DGCR2: variants seen among roughly 807,000 people sequenced by gnomAD.
DGCR2 encodes DiGeorge syndrome critical region gene 2.
DGCR2 carries 24 observed loss-of-function variants against 51.6 expected under a neutral mutation model. That is an observed-to-expected ratio of 0.47 (90% CI 0.34 to 0.65). DGCR2 has a LOEUF of 0.65. Ranked by LOEUF, DGCR2 falls within the 30% of genes least tolerant of loss-of-function variation. The pLI is 0.01. For synonymous variants in DGCR2, 340 were observed against 315.4 expected (o/e 1.08, Z -0.82); for missense variants, 765 against 772.1 (o/e 0.99, Z 0.11).
In DGCR2 at chr22:19,073,070, A is replaced by G. The variant is rs1354720760; in HGVS notation, c.203-4845T>C. Reference sequence around the variant, plus strand: ...CCAGGAGTTGGAGACCAGCCTGGGCAACACAGCAAGACCCTGTCTCTATGA... The same window carrying G: ...CCAGGAGTTGGAGACCAGCCTGGGCGACACAGCAAGACCCTGTCTCTATGA... On this transcript the variant is annotated intron_variant, in intron 2 of 9. Coordinates refer to ENST00000263196, the MANE Select transcript of DGCR2 (RefSeq NM_005137.3). Among the ~76,000 whole-genome samples the G allele has an allele frequency of 3.9e-5, 6 of 152,082 alleles. 1 individual carries two copies. The highest frequency in any genetic ancestry group is 2.0e-4 in the Admixed American group (3 of 15,266).
chr22:19,097,413 G>T (rs188393483), intron 1 of DGCR2, among the ~76,000 whole-genome samples: 1 of 152,068 alleles, frequency 6.6e-6, no homozygotes. Flanking sequence ...AATTAGCCAG[G>T]TGTGGTGCGG....
chr22:19,067,529 C>T (rs907719873), intron 3 of DGCR2, among the ~76,000 whole-genome samples: 23 of 151,856 alleles, frequency 1.5e-4, no homozygotes, highest in African/African-American at 4.6e-4. Context: ...CCGGTCTCTA[C>T]TAAAAATACA....
intron 7 of DGCR2, 95 bp from the exon 8 acceptor site, chr22:19,042,054 T>G (rs2082439114): frequency 7.0e-7 from 1 of 1,435,774 alleles, no homozygotes; most frequent in African/African-American, 1.4e-5. Flanking sequence ...GCGGGCTGTG[T>G]GGACAAGGCA....
At chr22:19,056,393 A>G (rs1027225828) in intron 6 of DGCR2, 11 of 431,116 alleles carry the variant, frequency 2.6e-5, no homozygotes, top group South Asian at 5.5e-5. Flanking sequence ...CATGATCCGC[A>G]AGAACAAAGC....
chr22:19,065,768 C>T (rs2082741124), intron 3 of DGCR2: 1 of 152,462 alleles, frequency 6.6e-6, no homozygotes, highest in Admixed American at 6.5e-5. Flanking sequence ...TAGGTAACAC[C>T]AGTGACCTCT....
chr22:19,116,678 CG>C (rs1357138833), intron 1 of DGCR2, among the ~76,000 whole-genome samples: 1 of 152,146 alleles, frequency 6.6e-6, no homozygotes, highest in African/African-American at 2.4e-5. Flanking sequence ...GAGCTATCTA[CG>C]GGGTCCTTAA....
intron 1 of DGCR2, among the ~76,000 whole-genome samples, chr22:19,103,122 T>C (rs73158853): frequency 0.014 from 2,123 of 152,246 alleles, 28 homozygotes; most frequent in Admixed American, 0.042. Context: ...AACATAATGC[T>C]AAGTGAAAGA....
At chr22:19,059,242 T>C (rs2082634822) in intron 5 of DGCR2, among the ~76,000 whole-genome samples, 1 of 151,782 alleles carries the variant, frequency 6.6e-6, no homozygotes, top group Non-Finnish European at 1.5e-5. Flanking sequence ...TGAGGAGCGG[T>C]GGGGCTGGGG....
chr22:19,118,784 AATTTTG>A, intron 1 of DGCR2, among the ~76,000 whole-genome samples: 1 of 152,332 alleles, frequency 6.6e-6, no homozygotes, highest in African/African-American at 2.4e-5. Flanking sequence ...CTCATGATAT[AATTTTG>A]TTTCACAATT....
In DGCR2 at chr22:19,057,594, A is replaced by AT. The variant is rs1601523850; in HGVS notation, c.626-433_626-432insA. On this transcript the variant is annotated intron_variant, in intron 5 of 9. Transcript: ENST00000263196. The surrounding 1 kb of genome is among the most constrained non-coding windows in gnomAD (Gnocchi z 5.1). ...CTCCCTTAGGACAGCACACTCAGAT[A>AT]AACAGAAGACTTACAAAGTCCACCC... 6.6e-6 allele frequency among the ~76,000 whole-genome samples: 1 copy of AT among 152,330 alleles called. No individual in the cohort carries two copies. The highest frequency in any genetic ancestry group is 1.9e-4 in the East Asian group (1 of 5,186).
intron 2 of DGCR2, among the ~76,000 whole-genome samples, chr22:19,086,329 A>G (rs1485302481): frequency 6.6e-6 from 1 of 151,936 alleles, no homozygotes; most frequent in African/African-American, 2.4e-5. Context: ...TACAAAAAAA[A>G]TTAGCCGGGT....
chr22:19,081,502 A>G (rs2082936275), intron 2 of DGCR2, among the ~76,000 whole-genome samples: 1 of 152,252 alleles, frequency 6.6e-6, no homozygotes, highest in South Asian at 2.1e-4. Context: ...TTGCTGGTGT[A>G]TAACATTCCA....
chr22:19,076,724 ATTTT>A (rs1165827499), intron 2 of DGCR2, among the ~76,000 whole-genome samples: 11 of 79,946 alleles, frequency 1.4e-4, no homozygotes, highest in African/African-American at 3.7e-4. Flanking sequence ...TCCTTTGCAC[ATTTT>A]TTTTTTTTTT....
chr22:19,051,181 T>A (rs1266627157), intron 6 of DGCR2, among the ~76,000 whole-genome samples: 4 of 120,118 alleles, frequency 3.3e-5, no homozygotes, highest in Non-Finnish European at 6.6e-5. Context: ...AGAGTGAAAT[T>A]CTGTCACAAA....
intron 1 of DGCR2, among the ~76,000 whole-genome samples, chr22:19,094,253 C>T (rs1425154776): frequency 1.3e-5 from 2 of 152,276 alleles, no homozygotes; most frequent in East Asian, 3.9e-4. Flanking sequence ...CATGATGAAA[C>T]CCCATCTCTA....
intron 1 of DGCR2, among the ~76,000 whole-genome samples, chr22:19,098,762 T>C (rs2083169352): frequency 6.6e-6 from 1 of 152,232 alleles, no homozygotes; most frequent in African/African-American, 2.4e-5. Flanking sequence ...TAATTTTTTA[T>C]TTTTTATTTT....
intron 2 of DGCR2, among the ~76,000 whole-genome samples, chr22:19,078,255 T>C (rs899067907): frequency 2.0e-5 from 3 of 152,228 alleles, no homozygotes; most frequent in African/African-American, 7.2e-5. Context: ...ATTTTTCGAC[T>C]TTACAATAGG....
intron 2 of DGCR2, among the ~76,000 whole-genome samples, chr22:19,070,376 G>C (rs1373602120): frequency 6.6e-6 from 1 of 152,210 alleles, no homozygotes; most frequent in African/African-American, 2.4e-5. Context: ...GCCTGAGTGT[G>C]GCTGGAGAAT....
chr22:19,088,051 C>T (rs143606156), intron 2 of DGCR2, among the ~76,000 whole-genome samples: 1,763 of 152,244 alleles, frequency 0.012, 9 homozygotes, highest in Non-Finnish European at 0.018. Flanking sequence ...TTGGAACCCC[C>T]CCTCAAAGAA....
Sources: gnomAD v4.1 joint callset for allele counts (sites outside exome capture counted in the v4.1 genomes callset) on GRCh38, gnomAD v4.1.1 for gene constraint, Gnocchi (gnomAD v3.1) non-coding constraint, MANE v1.5 for transcripts, NCBI Gene and HGNC (gene_info 2026-07-23, HGNC 2026-07-21) for gene names.